The following ACSM3 variants were observed in gnomAD, a reference collection of about 807,000 sequenced individuals.
ACSM3 encodes the protein acyl-coenzyme A synthetase ACSM3, mitochondrial.
A neutral mutation model predicts 74.1 loss-of-function variants in ACSM3; 61 were observed. The ratio of observed to expected loss-of-function variants is 0.82; its 90% CI spans 0.67 to 1.02. The LOEUF is 1.02. ACSM3 is among the 50% of genes least tolerant of loss of function. The pLI, the probability that ACSM3 is intolerant of heterozygous loss-of-function variation, is 0.00. For synonymous variants in ACSM3, 213 were observed against 241.5 expected, an observed-to-expected ratio of 0.88 and a Z score of 1.09; for missense variants, 660 against 697.0, an observed-to-expected ratio of 0.95 and a Z score of 0.60.
chr16:20,682,447 A>G (rs758264322), intron 1 of ACSM3: 1 of 1,613,522 alleles, frequency 6.2e-7, no homozygotes, highest in Non-Finnish European at 8.5e-7. Flanking sequence ...GGATGGTCGC[A>G]GGAATGAAGA....
chr16:20,699,692 G>C (rs570031531), intron 1 of ACSM3, among the ~76,000 whole-genome samples: 204 of 152,292 alleles, frequency 1.3e-3, no homozygotes, highest in Non-Finnish European at 2.5e-3. Context: ...CATCTGAGTA[G>C]TTCTCCCCTG....
intron 2 of ACSM3, among the ~76,000 whole-genome samples, chr16:20,750,174 GT>G (rs1180897612): frequency 2.6e-5 from 4 of 152,158 alleles, no homozygotes; most frequent in Non-Finnish European, 5.9e-5. Context: ...TGGAAAACTA[GT>G]TACATATATC....
chr16:20,730,764 A>G (rs1251510093), intron 1 of ACSM3, among the ~76,000 whole-genome samples: 2 of 151,918 alleles, frequency 1.3e-5, no homozygotes, highest in African/African-American at 4.8e-5. Context: ...TCTAATTGGT[A>G]GGTTTTAAAC....
chr16:20,750,844 GTTTTTTTTTT>G (rs59655300), intron 2 of ACSM3, among the ~76,000 whole-genome samples: 1 of 115,350 alleles, frequency 8.7e-6, no homozygotes, highest in Non-Finnish European at 1.7e-5. Context: ...TTGGAGTCAG[GTTTTTTTTTT>G]TTTTTTTTGA....
At chr16:20,723,785 T>C (rs1264186177) in intron 1 of ACSM3, among the ~76,000 whole-genome samples, 2 of 152,232 alleles carry the variant, frequency 1.3e-5, no homozygotes, top group African/African-American at 2.4e-5. Context: ...TATTAGCCCT[T>C]TGTCAAATGA....
chr16:20,728,617 A>ACTATCAC (rs2079815280), intron 1 of ACSM3: 2 of 410,330 alleles, frequency 4.9e-6, no homozygotes, highest in Admixed American at 3.7e-5. Flanking sequence ...AAATGCAGAG[A>ACTATCAC]CTATCACCTA....
At chr16:20,719,219 T>A (rs2079777204) in intron 1 of ACSM3, 1 of 174,092 alleles carries the variant, frequency 5.7e-6, no homozygotes, top group Admixed American at 6.3e-5. Flanking sequence ...CTTCTTCATA[T>A]CATTTAGATA....
chr16:20,700,251 G>A (rs1039066574), intron 1 of ACSM3, among the ~76,000 whole-genome samples: 3 of 152,116 alleles, frequency 2.0e-5, no homozygotes, highest in African/African-American at 4.8e-5. Flanking sequence ...ACATTTAGGC[G>A]TGCTTTAAAC....
chr16:20,752,112 C>T (rs1274516543), intron 2 of ACSM3, among the ~76,000 whole-genome samples: 1 of 152,114 alleles, frequency 6.6e-6, no homozygotes, highest in Non-Finnish European at 1.5e-5. Flanking sequence ...ATGGTGTGAA[C>T]CCGGGAGGCA....
At chr16:20,749,800 C>T (rs1388255812) in intron 1 of ACSM3, 1 of 152,282 alleles carries the variant, frequency 6.6e-6, no homozygotes, top group Non-Finnish European at 1.5e-5. Flanking sequence ...ATAGTAAGCC[C>T]TCTAACTCCA....
At chr16:20,682,280 C>A in intron 1 of ACSM3, 1 of 1,613,386 alleles carries the variant, frequency 6.2e-7, no homozygotes, top group South Asian at 1.1e-5. Flanking sequence ...GAAGTCCAGC[C>A]ACCCTTCACG....
At chr16:20,695,554 G>GTCTGTCTA (rs2079684971) in intron 1 of ACSM3, among the ~76,000 whole-genome samples, 1 of 151,240 alleles carries the variant, frequency 6.6e-6, no homozygotes, top group African/African-American at 2.4e-5. Context: ...CTGATTATCT[G>GTCTGTCTA]TCTATCTATC....
intron 1 of ACSM3, among the ~76,000 whole-genome samples, chr16:20,744,843 G>A (rs1596496042): frequency 6.6e-6 from 1 of 152,234 alleles, no homozygotes; most frequent in Non-Finnish European, 1.5e-5. Context: ...CGGTTAGTGG[G>A]TCAGGGGCCT....
chr16:20,780,694 T>C lies in ACSM3; in HGVS notation c.639-20T>C, dbSNP rs113477819. On this transcript the variant is annotated intron_variant, in intron 4 of 13. Transcript: ENST00000289416. ...TGATGCTGTGTTTAACATGCAGTCA[T>C]TGTAGTTTTTCCTTTGCAGACATGC... 4 of 1,614,220 alleles carry C rather than the reference T, an allele frequency of 2.5e-6. No homozygotes were observed. Among genetic ancestry groups the C allele is most frequent in the Non-Finnish European group, 3.4e-6 (4 of 1,180,030 alleles).
intron 1 of ACSM3, among the ~76,000 whole-genome samples, chr16:20,768,203 C>T (rs930617004): frequency 2.0e-5 from 3 of 152,142 alleles, no homozygotes; most frequent in Non-Finnish European, 2.9e-5. Context: ...TTCTATTAGT[C>T]GCTCCATTGG....
intron 4 of ACSM3, among the ~76,000 whole-genome samples, chr16:20,778,387 A>G (rs1487972742): frequency 1.3e-5 from 2 of 152,198 alleles, no homozygotes; most frequent in Non-Finnish European, 2.9e-5. Context: ...GACTTTTCCT[A>G]CCACATTTAA....
chr16:20,763,500 C>CAT (rs541586748), upstream of ACSM3, among the ~76,000 whole-genome samples: 1 of 152,126 alleles, frequency 6.6e-6, no homozygotes, highest in Non-Finnish European at 1.5e-5. Flanking sequence ...GGCTGTGGAT[C>CAT]AGAGGACCCT....
intron 1 of ACSM3, chr16:20,742,045 G>A (rs2079932220): frequency 7.1e-7 from 1 of 1,399,516 alleles, no homozygotes; most frequent in Admixed American, 2.6e-5. Flanking sequence ...GCTGGCTCCA[G>A]CCATATAGCT....
intron 1 of ACSM3, among the ~76,000 whole-genome samples, chr16:20,726,957 G>A (rs1012689667): frequency 6.6e-6 from 1 of 152,212 alleles, no homozygotes; most frequent in Non-Finnish European, 1.5e-5. Context: ...AGTAGGGGTT[G>A]AGAGGAGTCT....
Sources: allele counts gnomAD v4.1 joint callset (sites outside exome capture counted in the v4.1 genomes callset), GRCh38; gene constraint gnomAD v4.1.1; transcripts MANE v1.5; gene names NCBI Gene and HGNC (gene_info 2026-07-23, HGNC 2026-07-21).